Variants in CDH4 observed in about 807,000 individuals in gnomAD.
CDH4 encodes the protein cadherin 4, also known as cadherin-4.
CDH4 carries 33 observed loss-of-function variants against 86.0 expected under a neutral mutation model. The observed-to-expected ratio is 0.38, with a 90% CI of 0.29 to 0.51. The LOEUF (loss-of-function observed/expected upper bound fraction) is 0.51. Among genes scored for constraint, CDH4 ranks in the 20% least tolerant of loss-of-function variants. The probability of loss-of-function intolerance (pLI) is 0.86; values close to 1 mark genes in which losing one functional copy is unlikely to be tolerated. For missense variants in CDH4, 1,114 were observed against 1,307.4 expected (o/e 0.85, Z 2.28); for synonymous variants, 555 against 549.4 (o/e 1.01, Z -0.14).
In CDH4 at chr20:61,496,217, CAGTG is replaced by C. The variant is rs375545640; in HGVS notation, c.169+241283_169+241286del. Among the ~76,000 whole-genome samples the C allele has an allele frequency of 3.3e-3, 495 of 151,926 alleles. 2 individuals carry two copies. Among genetic ancestry groups the C allele is most frequent in the African/African-American group, 0.011 (473 of 41,396 alleles). On this transcript the variant is annotated intron_variant, in intron 2 of 15. Transcript: ENST00000614565. ...GAGTTTGAGACCAGTCTGGGCAACA[CAGTG>C]AGACCCTGTCTGTACAAAAAAAAAT...
intron 5 of CDH4, among the ~76,000 whole-genome samples, chr20:61,852,332 G>A (rs952590373): frequency 6.6e-6 from 1 of 152,222 alleles, no homozygotes; most frequent in Admixed American, 6.5e-5. Flanking sequence ...AGTGGCAGGA[G>A]TTAAGCCCCC....
chr20:61,686,370 C>T (rs754168516), intron 2 of CDH4, among the ~76,000 whole-genome samples: 2 of 151,452 alleles, frequency 1.3e-5, no homozygotes, highest in Non-Finnish European at 2.9e-5. Context: ...CGTGTGCATT[C>T]GCATGTGTGT....
At chr20:61,440,373 G>A (rs1275599507) in intron 2 of CDH4, among the ~76,000 whole-genome samples, 3 of 152,124 alleles carry the variant, frequency 2.0e-5, no homozygotes, top group Non-Finnish European at 1.5e-5. Context: ...AAATGTAAAG[G>A]GAACACCCTG....
At chr20:61,406,202 C>A (rs1335149425) in intron 2 of CDH4, among the ~76,000 whole-genome samples, 1 of 152,186 alleles carries the variant, frequency 6.6e-6, no homozygotes, top group Non-Finnish European at 1.5e-5. Context: ...TACCTGGTTT[C>A]ACCCCAGACC....
At position 61,923,539 on chromosome 20, in the gene CDH4, T is replaced by C; in HGVS notation, c.1463T>C (p.Phe488Ser). 6.2e-7 allele frequency: 1 copy of C among 1,614,192 alleles called. No homozygotes were observed. The highest frequency in any genetic ancestry group is 1.1e-5 in the South Asian group (1 of 91,090). Residue 488 changes from phenylalanine (F) to serine (S), a missense_variant, in exon 10 of 16, where the codon TTC becomes TCC. Transcript: ENST00000614565. ...APLASGIQMS[F>S]QSTAGVTISI... ...CTGGCCAGCGGAATCCAGATGTCCTTCCAGTCCACGGCAGGGGTGACCATC... is the reference window on the plus strand; with the variant it reads ...CTGGCCAGCGGAATCCAGATGTCCTCCCAGTCCACGGCAGGGGTGACCATC...
chr20:61,363,410 ATCTCTC>A (rs144743532), intron 2 of CDH4, among the ~76,000 whole-genome samples: 16 of 150,498 alleles, frequency 1.1e-4, no homozygotes, highest in Non-Finnish European at 1.9e-4. Flanking sequence ...GAATCTAAAT[ATCTCTC>A]TCTCTCTCTC....
intron 2 of CDH4, among the ~76,000 whole-genome samples, chr20:61,261,992 C>T (rs1200560176): frequency 6.6e-6 from 1 of 152,218 alleles, no homozygotes; most frequent in Non-Finnish European, 1.5e-5. Flanking sequence ...GGATTTTAGA[C>T]TCTGCCAGCG....
chr20:61,852,957 G>T (rs1982803103), intron 6 of CDH4, 59 bp downstream of exon 6: 1 of 1,559,724 alleles, frequency 6.4e-7, no homozygotes, highest in Non-Finnish European at 8.7e-7. Flanking sequence ...TGCAGCACAG[G>T]CCCTGAGGGC....
chr20:61,526,117 G>A (rs2085907815), intron 2 of CDH4, among the ~76,000 whole-genome samples: 1 of 152,158 alleles, frequency 6.6e-6, no homozygotes, highest in African/African-American at 2.4e-5. Context: ...GTGGACACTG[G>A]CTGTTCCTTC....
chr20:61,485,255 C>A (rs1322230369), intron 2 of CDH4, among the ~76,000 whole-genome samples: 2 of 152,316 alleles, frequency 1.3e-5, no homozygotes, highest in East Asian at 3.9e-4. Flanking sequence ...TATAGGGTGA[C>A]AGGGAGACCT....
intron 6 of CDH4, among the ~76,000 whole-genome samples, chr20:61,861,982 G>A (rs1413621830): frequency 2.0e-5 from 3 of 152,234 alleles, no homozygotes; most frequent in Non-Finnish European, 4.4e-5. Flanking sequence ...GGGAAAGGCA[G>A]GGAAGCAAAC....
chr20:61,713,832 C>T lies in CDH4; in HGVS notation c.170-29731C>T, dbSNP rs2087919787. ...CGTGGTTACTGAGACTACTAGAAGC[C>T]CATCTGTGGCTTTACCAGTGACACC... On this transcript the variant is annotated intron_variant, in intron 2 of 15. Coordinates refer to ENST00000614565, the MANE Select transcript of CDH4 (RefSeq NM_001794.5). Among the ~76,000 whole-genome samples the T allele has an allele frequency of 2.0e-5, 3 of 152,098 alleles. No individual in the cohort carries two copies. The South Asian group carries it at 6.2e-4, about 32-fold the overall frequency.
chr20:61,345,330 AC>A (rs1568806735), intron 2 of CDH4, among the ~76,000 whole-genome samples: 1 of 152,128 alleles, frequency 6.6e-6, no homozygotes, highest in Non-Finnish European at 1.5e-5. Flanking sequence ...CTCAGACAAC[AC>A]CACCCCGCGA....
chr20:61,462,669 T>TC (rs1417362930), intron 2 of CDH4, among the ~76,000 whole-genome samples: 1 of 151,844 alleles, frequency 6.6e-6, no homozygotes, highest in East Asian at 1.9e-4. Context: ...TCATTGGGGC[T>TC]CCCCCCTCTC....
At chr20:61,569,561 A>G (rs371943956) in intron 2 of CDH4, among the ~76,000 whole-genome samples, 6 of 152,196 alleles carry the variant, frequency 3.9e-5, no homozygotes, top group Non-Finnish European at 7.3e-5. Flanking sequence ...ATACTTCAGC[A>G]TGTATTTCCT....
chr20:61,924,225 G>A, intron 10 of CDH4, 109 bp from the exon 11 acceptor site: 7 of 1,127,390 alleles, frequency 6.2e-6, no homozygotes, highest in Non-Finnish European at 8.9e-6. Context: ...AGGAGACAGA[G>A]ACACTGGCCC....
rs1227653563 is a variant in CDH4, at chr20:61,694,654, A to G, written c.170-48909A>G. On this transcript the variant is annotated intron_variant, in intron 2 of 15. Coordinates refer to ENST00000614565, the MANE Select transcript of CDH4 (RefSeq NM_001794.5). ...GAAGTAAAAACTCCTAAAAACAGGC[A>G]CCTCCAGGAGGAGGGGCTGCCAGCC... is the stretch of plus-strand genomic sequence containing the variant. Among the ~76,000 whole-genome samples the G allele has an allele frequency of 2.0e-5, 3 of 152,028 alleles. No homozygotes were observed. In the East Asian group the frequency reaches 5.8e-4, roughly 29 times the overall value.
At chr20:61,569,645 C>G (rs970104722) in intron 2 of CDH4, among the ~76,000 whole-genome samples, 2 of 152,206 alleles carry the variant, frequency 1.3e-5, no homozygotes, top group African/African-American at 4.8e-5. Context: ...AGATTCATAT[C>G]TAATCTAGAT....
rs1348336734 is a variant in CDH4 at position 61,518,912 on chromosome 20, T to C, written c.170-224651T>C. Among the ~76,000 whole-genome samples, 3 of 151,930 alleles carry C rather than the reference T, an allele frequency of 2.0e-5. No individual in the cohort carries two copies. In the East Asian group the frequency reaches 5.8e-4, roughly 29 times the overall value. On this transcript the variant is annotated intron_variant, in intron 2 of 15. Coordinates refer to ENST00000614565, the MANE Select transcript of CDH4 (RefSeq NM_001794.5). The surrounding 1 kb of genome is among the most constrained non-coding windows in gnomAD (Gnocchi z 6.3). ...CCATCATCCATTCATCCATCATTCA[T>C]TCATCTACCCACCTCATTCATCCAT... is the stretch of plus-strand genomic sequence containing the variant.
Sources: allele counts gnomAD v4.1 joint callset (sites outside exome capture counted in the v4.1 genomes callset), GRCh38; gene constraint gnomAD v4.1.1; non-coding constraint Gnocchi (gnomAD v3.1); transcripts MANE v1.5; gene names NCBI Gene and HGNC (gene_info 2026-07-23, HGNC 2026-07-21).